The following TXNRD3 variants were observed in gnomAD, a reference collection of about 807,000 sequenced individuals.
The protein encoded by TXNRD3 is thioredoxin reductase 3.
A neutral mutation model predicts 78.2 loss-of-function variants in TXNRD3; 68 were observed. The observed-to-expected ratio is 0.87, with a 90% CI of 0.72 to 1.06. TXNRD3 has a LOEUF of 1.06. Ranked by LOEUF, TXNRD3 falls within the 50% of genes least tolerant of loss-of-function variation. The pLI, the probability that TXNRD3 is intolerant of heterozygous loss-of-function variation, is 0.00. For missense variants in TXNRD3, 751 were observed against 809.5 expected (o/e 0.93, Z 0.88); for synonymous variants, 296 against 300.1 (o/e 0.99, Z 0.14).
At chr3:126,640,459 C>T (rs1933048104) in intron 6 of TXNRD3, among the ~76,000 whole-genome samples, 1 of 152,132 alleles carries the variant, frequency 6.6e-6, no homozygotes, top group Admixed American at 6.5e-5. Flanking sequence ...CCCCCAGTCT[C>T]TCTTCCTGTA....
chr3:126,630,891 C>T lies in TXNRD3; in HGVS notation c.1018G>A (p.Val340Met). Residue 340 changes from valine (V) to methionine (M), a missense_variant, in exon 9 of 16, where the codon GTG (valine) becomes ATG (methionine). Transcript: ENST00000524230. Reference sequence around the variant, plus strand: ...TCCAGGGCAACATAAGAGGCACCCACCACTAATGTTTTGCCAGGGCAATAA... The same window carrying T: ...TCCAGGGCAACATAAGAGGCACCCATCACTAATGTTTTGCCAGGGCAATAA... 1 of 1,536,074 alleles carries T rather than the reference C, an allele frequency of 6.5e-7. No homozygotes were observed.
intron 14 of TXNRD3, among the ~76,000 whole-genome samples, chr3:126,609,511 T>A (rs774572891): frequency 4.6e-5 from 7 of 152,054 alleles, no homozygotes; most frequent in Non-Finnish European, 1.0e-4. Flanking sequence ...AGAAAAGGGG[T>A]GTAAATGAAG....
At chr3:126,647,433 T>C (rs1933266774) in intron 1 of TXNRD3, 137 bp from the exon 2 acceptor site, 1 of 660,892 alleles carries the variant, frequency 1.5e-6, no homozygotes, top group Non-Finnish European at 2.5e-6. Flanking sequence ...TTTTTGTTTT[T>C]GTTTTTGATT....
At chr3:126,625,432 T>G (rs1355984589) in intron 10 of TXNRD3, among the ~76,000 whole-genome samples, 2 of 151,492 alleles carry the variant, frequency 1.3e-5, no homozygotes, top group Admixed American at 1.3e-4. Flanking sequence ...TGCAACAGTT[T>G]GCTCAGAATG....
At chr3:126,651,209 C>T (rs549352540) in intron 1 of TXNRD3, among the ~76,000 whole-genome samples, 13 of 152,232 alleles carry the variant, frequency 8.5e-5, no homozygotes, top group Non-Finnish European at 1.3e-4. Flanking sequence ...CATGTAAAGA[C>T]GGACATGTAA....
chr3:126,618,390 G>T (rs1171404503), intron 12 of TXNRD3, among the ~76,000 whole-genome samples: 1 of 152,094 alleles, frequency 6.6e-6, no homozygotes, highest in East Asian at 1.9e-4. Flanking sequence ...CTATGGAACA[G>T]AACAGTGAAC....
intron 1 of TXNRD3, among the ~76,000 whole-genome samples, chr3:126,651,774 G>A (rs996587395): frequency 6.6e-6 from 1 of 152,168 alleles, no homozygotes; most frequent in Admixed American, 6.5e-5. Flanking sequence ...CACCTGAGAA[G>A]TCACAAAGAA....
chr3:126,649,785 T>C (rs1933327759), intron 1 of TXNRD3, among the ~76,000 whole-genome samples: 1 of 152,196 alleles, frequency 6.6e-6, no homozygotes, highest in South Asian at 2.1e-4. Flanking sequence ...ATGAGGTACC[T>C]AAAGCAGTCA....
intron 12 of TXNRD3, among the ~76,000 whole-genome samples, chr3:126,616,066 A>G (rs998490479): frequency 2.6e-5 from 4 of 152,178 alleles, no homozygotes; most frequent in Admixed American, 2.6e-4. Context: ...GGGGTTAAGA[A>G]AGAACCATCT....
intron 3 of TXNRD3, among the ~76,000 whole-genome samples, chr3:126,645,630 AAGGATC>A (rs1277136892): frequency 2.6e-4 from 39 of 152,334 alleles, no homozygotes; most frequent in Non-Finnish European, 5.9e-5. Flanking sequence ...ATTATAAAAT[AAGGATC>A]TTATTTAATA....
chr3:126,634,666 T>G (rs994605097), intron 6 of TXNRD3, among the ~76,000 whole-genome samples: 2 of 152,160 alleles, frequency 1.3e-5, no homozygotes, highest in Non-Finnish European at 2.9e-5. Context: ...TAGGTGGGAT[T>G]TACTGCATAG....
chr3:126,646,195 C>T lies in TXNRD3; in HGVS notation c.330G>A (p.Val110=). ...TTTTCTGATTAGTGATTTCTGACAGCACTTCTTGAACCCTGGCCCCATCAT... is the reference window on the plus strand; with the variant it reads ...TTTTCTGATTAGTGATTTCTGACAGTACTTCTTGAACCCTGGCCCCATCAT... The change falls in exon 3 of 16, where the codon GTG becomes GTA. Residue 110 remains valine, a synonymous_variant. Coordinates refer to ENST00000524230, the MANE Select transcript of TXNRD3 (RefSeq NM_052883.3). 6.5e-7 allele frequency: 1 copy of T among 1,534,642 alleles called. No individual in the cohort carries two copies. The highest frequency in any genetic ancestry group is 1.7e-4 in the Middle Eastern group (1 of 5,982).
intron 13 of TXNRD3, among the ~76,000 whole-genome samples, chr3:126,614,984 A>G (rs1938283525): frequency 6.6e-6 from 1 of 152,128 alleles, no homozygotes; most frequent in Non-Finnish European, 1.5e-5. Flanking sequence ...TGGAAATCTG[A>G]AGAGCCCACA....
At position 126,608,392 on chromosome 3, in the gene TXNRD3, A is replaced by T; in HGVS notation, c.1863+107T>A. The stretch of plus-strand genomic sequence containing the variant: ...ATAAAATGAAATAAAATAAATTTAA[A>T]AATATACAAATCAGTTACTAATATG... On this transcript the variant is annotated intron_variant, in intron 15 of 15. Transcript: ENST00000524230. 5 of 1,189,598 alleles carry T rather than the reference A, an allele frequency of 4.2e-6. No individual in the cohort carries two copies. The South Asian group carries it at 1.0e-4, about 25-fold the overall frequency. The allele number at this position is 1,189,598 out of a possible 1,614,324, so 73.7% of individuals were successfully genotyped here.
rs1012154388 is a variant in TXNRD3 at position 126,643,924 on chromosome 3, A to G, written c.592+57T>C. Reference sequence around the variant, plus strand: ...TGTTGTGAGGATTAAATGAGATTACATAAAGCAAACAACATATGTAAAGAG... The same window carrying G: ...TGTTGTGAGGATTAAATGAGATTACGTAAAGCAAACAACATATGTAAAGAG... On this transcript the variant is annotated intron_variant, in intron 5 of 15. Transcript: ENST00000524230. The G allele has an allele frequency of 2.1e-6, 3 of 1,452,454 alleles. No individual in the cohort carries two copies. In the African/African-American group the frequency reaches 4.3e-5, roughly 21 times the overall value. The allele number at this position is 1,452,454 out of a possible 1,614,324, so 90.0% of individuals were successfully genotyped here.
chr3:126,638,204 AAGGACT>A (rs2107622698), intron 6 of TXNRD3, among the ~76,000 whole-genome samples: 1 of 152,124 alleles, frequency 6.6e-6, no homozygotes, highest in East Asian at 1.9e-4. Context: ...CGGTCTCCCA[AAGGACT>A]GGGATTACAG....
intron 1 of TXNRD3, among the ~76,000 whole-genome samples, chr3:126,648,289 A>G (rs745891145): frequency 1.1e-4 from 16 of 152,332 alleles, no homozygotes; most frequent in Middle Eastern, 6.8e-3. Flanking sequence ...CAAATATGTC[A>G]GTAGTACCCA....
intron 10 of TXNRD3, among the ~76,000 whole-genome samples, chr3:126,626,253 T>C (rs955984540): frequency 1.3e-5 from 2 of 152,322 alleles, no homozygotes; most frequent in African/African-American, 2.4e-5. Flanking sequence ...AAAGATTTCT[T>C]AGAGCACACA....
In TXNRD3 at chr3:126,617,629, C is replaced by A. The variant is rs1301884649; in HGVS notation, c.1525-2167G>T. Among the ~76,000 whole-genome samples, 10 of 152,310 alleles carry A rather than the reference C, an allele frequency of 6.6e-5. 1 individual carries two copies. In the East Asian group the frequency reaches 1.9e-3, roughly 29 times the overall value. ...GTGGGACATTCTACAAGAAAAGTAACCTGGATTCATAAAAAAGTCAGAGTT... is the reference window on the plus strand; with the variant it reads ...GTGGGACATTCTACAAGAAAAGTAAACTGGATTCATAAAAAAGTCAGAGTT... On this transcript the variant is annotated intron_variant, in intron 12 of 15. Coordinates refer to ENST00000524230, the MANE Select transcript of TXNRD3 (RefSeq NM_052883.3).
Sources: allele counts gnomAD v4.1 joint callset (sites outside exome capture counted in the v4.1 genomes callset), GRCh38; gene constraint gnomAD v4.1.1; transcripts MANE v1.5; gene names NCBI Gene and HGNC (gene_info 2026-07-23, HGNC 2026-07-21).